Variants in FRMD5 observed in about 807,000 individuals in gnomAD.
FRMD5 encodes the protein FERM domain-containing protein 5.
FRMD5 carries 20 observed loss-of-function variants against 69.0 expected under a neutral mutation model. That is an observed-to-expected ratio of 0.29 (90% CI 0.20 to 0.42). FRMD5 has a LOEUF of 0.42. Ranked by LOEUF, FRMD5 falls within the 10% of genes least tolerant of loss-of-function variation. The pLI, the probability that FRMD5 is intolerant of heterozygous loss-of-function variation, is 1.00. For missense variants in FRMD5, 595 were observed against 708.6 expected (o/e 0.84, Z 1.82); for synonymous variants, 271 against 260.1 (o/e 1.04, Z -0.40).
intron 1 of FRMD5, among the ~76,000 whole-genome samples, chr15:43,948,255 C>T (rs1436850988): frequency 6.6e-6 from 1 of 152,116 alleles, no homozygotes; most frequent in African/African-American, 2.4e-5. Context: ...ACCAAGTTGA[C>T]AGGATAAAAG....
intron 6 of FRMD5, 133 bp downstream of exon 6, chr15:43,905,695 G>A (rs1396713957): frequency 1.1e-5 from 12 of 1,108,548 alleles, no homozygotes; most frequent in South Asian, 5.9e-5. Flanking sequence ...TGGTACATCC[G>A]CGGTCAGGAA....
chr15:44,004,514 A>G (rs771216032), intron 1 of FRMD5, among the ~76,000 whole-genome samples: 10 of 152,040 alleles, frequency 6.6e-5, no homozygotes, highest in Non-Finnish European at 1.5e-4. Context: ...CATTAATATT[A>G]TTTTTTCTTA....
intron 13 of FRMD5, chr15:43,876,306 T>C (rs1268986576): frequency 8.7e-7 from 1 of 1,147,326 alleles, no homozygotes; most frequent in African/African-American, 1.5e-5. Context: ...TTTGAAAGAA[T>C]CTGAATTCCA....
chr15:44,091,063 A>G (rs951945416), intron 1 of FRMD5, among the ~76,000 whole-genome samples: 10 of 152,320 alleles, frequency 6.6e-5, no homozygotes, highest in African/African-American at 2.4e-4. Context: ...TCAAGTACCA[A>G]GCATTTGAGA....
At chr15:43,937,714 A>G (rs927848903) in intron 1 of FRMD5, among the ~76,000 whole-genome samples, 8 of 151,000 alleles carry the variant, frequency 5.3e-5, no homozygotes, top group Admixed American at 3.3e-4. Flanking sequence ...AGCTGGAGTG[A>G]GCAGAGGGAG....
In FRMD5 at chr15:44,075,859, A is replaced by C. The variant is rs547481991; in HGVS notation, c.102+119094T>G. ...TGAAAAGCTCTATGATTGCCATTCT[A>C]ACTGGTGTGAGATGGTATCTCATTG... is the stretch of plus-strand genomic sequence containing the variant. On this transcript the variant is annotated intron_variant, in intron 1 of 13. Transcript: ENST00000417257. Among the ~76,000 whole-genome samples the C allele has an allele frequency of 5.3e-5, 8 of 152,318 alleles. No homozygotes were observed. The South Asian group carries it at 1.7e-3, about 32-fold the overall frequency.
At chr15:44,065,008 T>C (rs1893249469) in intron 1 of FRMD5, among the ~76,000 whole-genome samples, 1 of 152,198 alleles carries the variant, frequency 6.6e-6, no homozygotes, top group Admixed American at 6.5e-5. Context: ...AGACATTTAT[T>C]AAAGAAGATA....
upstream of FRMD5, among the ~76,000 whole-genome samples, chr15:44,197,655 T>G (rs1465954123): frequency 8.1e-6 from 1 of 123,184 alleles, no homozygotes; most frequent in Non-Finnish European, 1.6e-5. Context: ...CACTCCAGCC[T>G]GGGAGACAGC....
intron 5 of FRMD5, among the ~76,000 whole-genome samples, chr15:43,908,906 G>A (rs1347638744): frequency 6.6e-6 from 1 of 152,138 alleles, no homozygotes; most frequent in East Asian, 1.9e-4. Flanking sequence ...TTCATATCTT[G>A]GAGATTTGCC....
At chr15:44,187,953 C>T (rs2078130181) in intron 1 of FRMD5, among the ~76,000 whole-genome samples, 1 of 152,142 alleles carries the variant, frequency 6.6e-6, no homozygotes, top group African/African-American at 2.4e-5. Flanking sequence ...CTCCCCATTT[C>T]CCAAACTCCA....
chr15:44,192,834 C>T (rs1211151959), intron 1 of FRMD5, among the ~76,000 whole-genome samples: 1 of 152,096 alleles, frequency 6.6e-6, no homozygotes, highest in African/African-American at 2.4e-5. Flanking sequence ...AATCACAATG[C>T]ACAATCATTA....
rs185909727 is a variant in FRMD5, at chr15:43,989,370, G to A, written c.103-65061C>T. On this transcript the variant is annotated intron_variant, in intron 1 of 13. Transcript: ENST00000417257. ...AGTTGAAGGTAGTTTCATGGATGCC[G>A]CGGGATTCCATGCCCAGGAAGGAAG... 1.3e-3 allele frequency: 1,038 copies of A among 785,254 alleles called. 8 individuals carry two copies. In the African/African-American group the frequency reaches 0.015, roughly 12 times the overall value. 48.6% of individuals were successfully genotyped at this position (785,254 alleles called of 1,614,324 possible).
intron 1 of FRMD5, among the ~76,000 whole-genome samples, chr15:43,996,715 A>ATTTTTTTTTTT (rs11397296): frequency 4.7e-5 from 4 of 86,020 alleles, no homozygotes; most frequent in Admixed American, 1.9e-4. Context: ...TCCTCAGCTG[A>ATTTTTTTTTTT]TTTTTTTTTT....
intron 1 of FRMD5, among the ~76,000 whole-genome samples, chr15:44,066,498 A>G (rs560184761): frequency 6.5e-4 from 99 of 152,336 alleles, no homozygotes; most frequent in African/African-American, 2.2e-3. Context: ...GAAGAACTGA[A>G]GGAAGACAGG....
intron 1 of FRMD5, among the ~76,000 whole-genome samples, chr15:44,140,661 T>C (rs1018809449): frequency 6.6e-6 from 1 of 151,858 alleles, no homozygotes; most frequent in Non-Finnish European, 1.5e-5. Flanking sequence ...GGTGGATCAC[T>C]TGAGCTCAAG....
At chr15:44,136,020 TTTTTC>T (rs776952674) in intron 1 of FRMD5, among the ~76,000 whole-genome samples, 163 of 152,112 alleles carry the variant, frequency 1.1e-3, no homozygotes, top group Non-Finnish European at 1.9e-3. Context: ...CATTTCCCTT[TTTTTC>T]TTTTCTTTTT....
At chr15:43,957,328 T>C (rs1039243800) in intron 1 of FRMD5, among the ~76,000 whole-genome samples, 3 of 152,212 alleles carry the variant, frequency 2.0e-5, no homozygotes, top group African/African-American at 7.2e-5. Flanking sequence ...CCCAAGTAAC[T>C]GGGATTACAG....
intron 1 of FRMD5, among the ~76,000 whole-genome samples, chr15:44,031,390 C>A (rs555565511): frequency 6.6e-6 from 1 of 152,262 alleles, no homozygotes; most frequent in East Asian, 1.9e-4. Flanking sequence ...GGCTTATAAA[C>A]AACAGAAATT....
intron 1 of FRMD5, among the ~76,000 whole-genome samples, chr15:44,024,093 C>T (rs1051584405): frequency 1.3e-5 from 2 of 152,140 alleles, no homozygotes; most frequent in South Asian, 4.2e-4. Context: ...TTAAGTGTTA[C>T]AATGTACAGT....
Sources: gnomAD v4.1 joint callset for allele counts (sites outside exome capture counted in the v4.1 genomes callset) on GRCh38, gnomAD v4.1.1 for gene constraint, MANE v1.5 for transcripts, NCBI Gene and HGNC (gene_info 2026-07-23, HGNC 2026-07-21) for gene names.